Variants in ANGPTL8 observed in about 807,000 individuals in gnomAD.
The protein encoded by ANGPTL8 is angiopoietin like 8.
In ANGPTL8, 24 loss-of-function variants were observed where a neutral mutation model predicts 22.6. The ratio of observed to expected loss-of-function variants is 1.06; its 90% CI spans 0.77 to 1.49. The LOEUF is 1.49. Among genes scored for constraint, ANGPTL8 ranks in the 40% most tolerant of loss-of-function variants. The probability of loss-of-function intolerance (pLI) is 0.00; values close to 1 mark genes in which losing one functional copy is unlikely to be tolerated. For synonymous variants in ANGPTL8, 88 were observed against 113.4 expected (o/e 0.78, Z 1.42); for missense variants, 230 against 259.6 (o/e 0.89, Z 0.78).
Position 11,241,790 on chromosome 19 carries a change from C to T in ANGPTL8, c.*103C>T, listed in dbSNP as rs903927436. The T allele has an allele frequency of 3.3e-5, 50 of 1,527,850 alleles. No individual in the cohort carries two copies. In the African/African-American group the frequency reaches 6.1e-4, roughly 18 times the overall value. The allele number at this position is 1,527,850 out of a possible 1,614,324, so 94.6% of individuals were successfully genotyped here. The stretch of plus-strand genomic sequence containing the variant: ...GAGCTGCCTGTTCACTGGGATCAGC[C>T]AGGGCGCCGGGCCCCACTTCTGAGC... On this transcript the variant is annotated 3_prime_UTR_variant, in exon 4 of 4. Coordinates refer to ENST00000252453, the MANE Select transcript of ANGPTL8 (RefSeq NM_018687.7).
intron 2 of ANGPTL8, among the ~76,000 whole-genome samples, chr19:11,241,096 A>T (rs1344817052): frequency 6.6e-6 from 1 of 151,978 alleles, no homozygotes; most frequent in East Asian, 1.9e-4. Flanking sequence ...AATACAAAAA[A>T]TTAGCTGGGC....
At position 11,239,922 on chromosome 19, in the gene ANGPTL8, G is replaced by C; in HGVS notation, c.285G>C (p.Leu95=). 1.9e-6 allele frequency: 3 copies of C among 1,585,012 alleles called. No individual in the cohort carries two copies. Among genetic ancestry groups the C allele is most frequent in the South Asian group, 1.2e-5 (1 of 86,740 alleles). ...RDAAQELRAS[L]LETQMEEDIL... ...CAGCCCAGGAACTTCGGGCAAGCCT[G>C]TTGGAGACTCAGGTGGGCACCGTAG... is the stretch of plus-strand genomic sequence containing the variant. Residue 95 remains leucine, a synonymous_variant, in exon 1 of 4, where the codon CTG becomes CTC. Coordinates refer to ENST00000252453, the MANE Select transcript of ANGPTL8 (RefSeq NM_018687.7).
At chr19:11,240,370 C>T (rs2079924205) in intron 2 of ANGPTL8, 74 bp downstream of exon 2, 1 of 1,406,396 alleles carries the variant, frequency 7.1e-7, no homozygotes, top group Admixed American at 2.9e-5. Context: ...ACCTTGAGTC[C>T]CAAAGACCTC....
chr19:11,241,377 G>A, intron 2 of ANGPTL8, 68 bp from the exon 3 acceptor site: 1 of 990,636 alleles, frequency 1.0e-6, no homozygotes, highest in Non-Finnish European at 1.6e-6. Flanking sequence ...ATGAGGGGCT[G>A]GGGCAGAGGG....
intron 2 of ANGPTL8, 82 bp downstream of exon 2, chr19:11,240,378 C>A: frequency 7.2e-7 from 1 of 1,383,780 alleles, no homozygotes; most frequent in Non-Finnish European, 9.6e-7. Context: ...TCCCAAAGAC[C>A]TCCCAGATCA....
At position 11,239,667 on chromosome 19, in the gene ANGPTL8, G is replaced by T; in HGVS notation, c.30G>T (p.Trp10Cys). MPVPALCLL[W>C]ALAMVTRPAS... ...CAGTGCCTGCTCTGTGCCTGCTCTG[G>T]GCCCTGGCAATGGTGACCCGGCCTG... Residue 10 changes from tryptophan to cysteine, a missense_variant, in exon 1 of 4, where the codon TGG becomes TGT. Physicochemically the swap from Trp to Cys is radical, Grantham distance 215. Transcript: ENST00000252453. 1 of 1,613,736 alleles carries T rather than the reference G, an allele frequency of 6.2e-7. No individual in the cohort carries two copies. The highest frequency in any genetic ancestry group is 1.1e-5 in the South Asian group (1 of 91,076).
chr19:11,240,114 G>A, intron 1 of ANGPTL8, 21 bp from the exon 2 acceptor site: 1 of 1,551,402 alleles, frequency 6.4e-7, no homozygotes, highest in Admixed American at 2.0e-5. Flanking sequence ...TCCTACTAGT[G>A]ACCCACTGTT....
At position 11,241,739 on chromosome 19, in the gene ANGPTL8, G is replaced by T; in HGVS notation, c.*52G>T. 1.3e-6 allele frequency: 2 copies of T among 1,556,098 alleles called. No homozygotes were observed. Among genetic ancestry groups the T allele is most frequent in the Non-Finnish European group, 8.7e-7 (1 of 1,149,862 alleles). On this transcript the variant is annotated 3_prime_UTR_variant, in exon 4 of 4. Coordinates refer to ENST00000252453, the MANE Select transcript of ANGPTL8 (RefSeq NM_018687.7). ...ATCATGCTGCAAGGAACACTTCCAC[G>T]CCCCGTGAGGCCCCTGTGCAGGGAG... is the stretch of plus-strand genomic sequence containing the variant.
Position 11,240,211 on chromosome 19 carries a change from T to C in ANGPTL8, c.374T>C (p.Val125Ala). ...GGGGAGGTGGCCCAGGCACAGAAGGTGCTACGGGACAGCGTGCAGCGGCTA... is the reference window on the plus strand; with the variant it reads ...GGGGAGGTGGCCCAGGCACAGAAGGCGCTACGGGACAGCGTGCAGCGGCTA... ...VLGEVAQAQK[V>A]LRDSVQRLEV... The change falls in exon 2 of 4, where the codon GTG becomes GCG. Residue 125 changes from valine (V) to alanine (A), a missense_variant. By Grantham distance (64) the Val-to-Ala change is moderately conservative (BLOSUM62 0). Coordinates refer to ENST00000252453, the MANE Select transcript of ANGPTL8 (RefSeq NM_018687.7). 1 of 1,563,374 alleles carries C rather than the reference T, an allele frequency of 6.4e-7. No individual in the cohort carries two copies. Among genetic ancestry groups the C allele is most frequent in the Non-Finnish European group, 8.7e-7 (1 of 1,153,978 alleles).
At chr19:11,240,422 C>A (rs2147842982) in intron 2 of ANGPTL8, 126 bp downstream of exon 2, 1 of 993,760 alleles carries the variant, frequency 1.0e-6, no homozygotes, top group Non-Finnish European at 1.4e-6. Context: ...CCCTGCATGT[C>A]CCCAGACAAA....
rs1292798770 is a variant in ANGPTL8, at chr19:11,241,502, C to T, written c.517C>T (p.Gln173Ter). 3 of 1,552,890 alleles carry T rather than the reference C, an allele frequency of 1.9e-6. No individual in the cohort carries two copies. Among genetic ancestry groups the T allele is most frequent in the Non-Finnish European group, 2.6e-6 (3 of 1,147,716 alleles). ...GGCCCTCACAGGCCACGTGCAGCGG[C>T]AGAGGCGGGAGATGGTGGCACAGCA... is the stretch of plus-strand genomic sequence containing the variant. ...LWALTGHVQR[Q>*]RREMVAQQHR... Residue 173 changes from glutamine (Q) to a stop codon, truncating the protein, a stop_gained, in exon 3 of 4, where the codon CAG becomes TAG. Transcript: ENST00000252453. LOFTEE classifies it high-confidence loss of function.
In ANGPTL8 at chr19:11,239,796, C is replaced by T. The variant is rs1207711494; in HGVS notation, c.159C>T (p.Tyr53=). The change falls in exon 1 of 4, where the codon TAC becomes TAT. Residue 53 remains tyrosine (Y), a synonymous_variant. Transcript: ENST00000252453. ...TGGGCCAGGCCCTCAACGGTGTGTA[C>T]AGGACCACGGAGGGACGGCTGACAA... The part of the protein sequence containing the change: ...LQLGQALNGV[Y]RTTEGRLTKA... The T allele has an allele frequency of 1.9e-6, 3 of 1,608,654 alleles. No homozygotes were observed. Among genetic ancestry groups the T allele is most frequent in the East Asian group, 2.2e-5 (1 of 44,642 alleles).
rs1316768109 is a variant in ANGPTL8 at position 11,241,448 on chromosome 19, C to G, written c.463C>G (p.His155Asp). The G allele has an allele frequency of 6.5e-7, 1 of 1,548,624 alleles. No homozygotes were observed. The highest frequency in any genetic ancestry group is 1.4e-5 in the African/African-American group (1 of 73,082). ...GTTTCCATTCTGACCCCCACAGGCTCACGCTGACAAGCAGAGCCACATCCT... is the reference window on the plus strand; with the variant it reads ...GTTTCCATTCTGACCCCCACAGGCTGACGCTGACAAGCAGAGCCACATCCT... Reference protein sequence around the residue: ...AYREFEVLKAHADKQSHILWA... With the variant: ...AYREFEVLKADADKQSHILWA... The change falls in exon 3 of 4, where the codon CAC becomes GAC. Residue 155 changes from histidine (H) to aspartate (D), a missense_variant. Transcript: ENST00000252453.
chr19:11,240,096 G>A, intron 1 of ANGPTL8, 39 bp from the exon 2 acceptor site: 1 of 1,551,216 alleles, frequency 6.4e-7, no homozygotes, highest in East Asian at 2.4e-5. Flanking sequence ...ACAAAGATGA[G>A]TTGGACATCC....
chr19:11,239,863 C>T lies in ANGPTL8; in HGVS notation c.226C>T (p.Leu76Phe). The T allele has an allele frequency of 1.3e-6, 2 of 1,598,518 alleles. No homozygotes were observed. The highest frequency in any genetic ancestry group is 2.3e-5 in the East Asian group (1 of 44,228). The change falls in exon 1 of 4, where the codon CTC becomes TTC. Residue 76 changes from leucine (L) to phenylalanine (F), a missense_variant. Physicochemically the swap from Leu to Phe is conservative, Grantham distance 22 (BLOSUM62 0). Transcript: ENST00000252453. ...SLGLYGRTIE[L>F]LGQEVSRGRD... ...GGGTCTCTATGGCCGCACAATAGAA[C>T]TCCTGGGGCAGGAGGTCAGCCGGGG...
At position 11,239,925 on chromosome 19, in the gene ANGPTL8, G is replaced by A. The variant is rs368144125; in HGVS notation, c.288G>A (p.Leu96=). 1.9e-4 allele frequency: 308 copies of A among 1,583,472 alleles called. No individual in the cohort carries two copies. The highest frequency in any genetic ancestry group is 2.3e-4 in the Non-Finnish European group (272 of 1,165,100). Residue 96 remains leucine (L), a synonymous_variant, in exon 1 of 4, where the codon TTG becomes TTA. Coordinates refer to ENST00000252453, the MANE Select transcript of ANGPTL8 (RefSeq NM_018687.7). ...DAAQELRASL[L]ETQMEEDILQ... is the part of the protein sequence containing the mutation. ...CCCAGGAACTTCGGGCAAGCCTGTT[G>A]GAGACTCAGGTGGGCACCGTAGCTG... is the stretch of plus-strand genomic sequence containing the variant.
At chr19:11,241,298 A>G in intron 2 of ANGPTL8, 147 bp from the exon 3 acceptor site, 1 of 607,600 alleles carries the variant, frequency 1.6e-6, no homozygotes, top group Non-Finnish European at 2.9e-6. Context: ...GTCCTATTTT[A>G]TCCCCATTTT....
In ANGPTL8 at chr19:11,241,490, C is replaced by T; in HGVS notation, c.505C>T (p.His169Tyr). Residue 169 changes from histidine to tyrosine, a missense_variant, in exon 3 of 4, where the codon CAC becomes TAC. His to Tyr is a moderately conservative substitution (Grantham distance 83). Coordinates refer to ENST00000252453, the MANE Select transcript of ANGPTL8 (RefSeq NM_018687.7). ...CCACATCCTATGGGCCCTCACAGGC[C>T]ACGTGCAGCGGCAGAGGCGGGAGAT... ...QSHILWALTGHVQRQRREMVA... is the reference protein window; with the variant it reads ...QSHILWALTGYVQRQRREMVA... 6.4e-7 allele frequency: 1 copy of T among 1,553,080 alleles called. No homozygotes were observed. Among genetic ancestry groups the T allele is most frequent in the East Asian group, 2.4e-5 (1 of 41,044 alleles).
At position 11,240,158 on chromosome 19, in the gene ANGPTL8, G is replaced by T. The variant is rs1055701628; in HGVS notation, c.321G>T (p.Leu107=). ...AGATGGAGGAGGATATTCTGCAGCT[G>T]CAGGCAGAGGCCACAGCTGAGGTGC... ...ETQMEEDILQ[L]QAEATAEVLG... Residue 107 remains leucine (L), a synonymous_variant, in exon 2 of 4, where the codon CTG becomes CTT. Coordinates refer to ENST00000252453, the MANE Select transcript of ANGPTL8 (RefSeq NM_018687.7). 3 of 1,551,876 alleles carry T rather than the reference G, an allele frequency of 1.9e-6. No homozygotes were observed. The highest frequency in any genetic ancestry group is 2.6e-6 in the Non-Finnish European group (3 of 1,147,200).
Sources: allele counts gnomAD v4.1 joint callset (sites outside exome capture counted in the v4.1 genomes callset), GRCh38; gene constraint gnomAD v4.1.1; transcripts MANE v1.5; gene names NCBI Gene and HGNC (gene_info 2026-07-23, HGNC 2026-07-21).